The following GALNT18 variants were observed in gnomAD, a reference collection of about 807,000 sequenced individuals.
GALNT18 encodes polypeptide N-acetylgalactosaminyltransferase 18.
In GALNT18, 44 loss-of-function variants were observed where a neutral mutation model predicts 69.5. That is an observed-to-expected ratio of 0.63 (90% CI 0.50 to 0.81). GALNT18 has a LOEUF of 0.81. GALNT18 is among the 40% of genes least tolerant of loss of function. The probability of loss-of-function intolerance (pLI) is 0.00; values close to 1 mark genes in which losing one functional copy is unlikely to be tolerated. For missense variants in GALNT18, 715 were observed against 810.0 expected (o/e 0.88, Z 1.42); for synonymous variants, 364 against 318.2 (o/e 1.14, Z -1.53).
chr11:11,433,671 A>G (rs1855328399), intron 2 of GALNT18, among the ~76,000 whole-genome samples: 1 of 152,208 alleles, frequency 6.6e-6, no homozygotes, highest in Non-Finnish European at 1.5e-5. Context: ...ATCCCATGAG[A>G]GGCCAGACGA....
At chr11:11,355,741 A>T (rs1307654995) in intron 6 of GALNT18, among the ~76,000 whole-genome samples, 1 of 152,174 alleles carries the variant, frequency 6.6e-6, no homozygotes, top group Non-Finnish European at 1.5e-5. Context: ...TAAGCAAGTC[A>T]TCAAGACCCT....
intron 1 of GALNT18, among the ~76,000 whole-genome samples, chr11:11,560,164 G>A (rs796791535): frequency 1.5e-3 from 2 of 1,304 alleles, no homozygotes; most frequent in Non-Finnish European, 3.2e-3. Flanking sequence ...TGGGATGTAT[G>A]GGATGGGATA....
intron 1 of GALNT18, among the ~76,000 whole-genome samples, chr11:11,449,789 C>T (rs937507220): frequency 2.0e-5 from 3 of 152,228 alleles, no homozygotes; most frequent in Admixed American, 1.3e-4. Context: ...AATTCCCCAA[C>T]CTAGAATGCA....
At chr11:11,304,953 T>C (rs921105897) in intron 9 of GALNT18, among the ~76,000 whole-genome samples, 1 of 152,132 alleles carries the variant, frequency 6.6e-6, no homozygotes, top group Admixed American at 6.5e-5. Flanking sequence ...AATAAACACA[T>C]CTTGTTGTAA....
intron 1 of GALNT18, among the ~76,000 whole-genome samples, chr11:11,560,804 ACTGAGATTC>A (rs1043538826): frequency 1.3e-5 from 2 of 152,210 alleles, no homozygotes; most frequent in Non-Finnish European, 2.9e-5. Context: ...GAGCAGAATT[ACTGAGATTC>A]CTGCCAGACC....
At chr11:11,271,847 T>C (rs1015903604) in intron 10 of GALNT18, among the ~76,000 whole-genome samples, 13 of 152,278 alleles carry the variant, frequency 8.5e-5, no homozygotes, top group Middle Eastern at 3.4e-3. Context: ...TTCCAGAATG[T>C]TTGTAGCCAT....
rs1356866486 is a variant in GALNT18, at chr11:11,508,524, A to G, written c.236-59588T>C. Among the ~76,000 whole-genome samples, 12 of 152,364 alleles carry G rather than the reference A, an allele frequency of 7.9e-5. No individual in the cohort carries two copies. In the East Asian group the frequency reaches 2.3e-3, roughly 29 times the overall value. On this transcript the variant is annotated intron_variant, in intron 1 of 10. Coordinates refer to ENST00000227756, the MANE Select transcript of GALNT18 (RefSeq NM_198516.3). ...AAAGTACTTCATTCGTTTGTAATTA[A>G]TAAGTAATGTGTGGGTGTTACTCCA...
intron 1 of GALNT18, among the ~76,000 whole-genome samples, chr11:11,529,694 C>A (rs1377356982): frequency 6.6e-6 from 1 of 151,980 alleles, no homozygotes; most frequent in Non-Finnish European, 1.5e-5. Flanking sequence ...CATGTGTGCA[C>A]GTGCATGTTA....
intron 9 of GALNT18, among the ~76,000 whole-genome samples, chr11:11,321,906 A>G (rs1317929761): frequency 6.6e-6 from 1 of 152,152 alleles, no homozygotes; most frequent in Non-Finnish European, 1.5e-5. Flanking sequence ...CACCTGGCCT[A>G]TGGGTAGGTT....
rs1037970848 is a variant in GALNT18, at chr11:11,563,165, G to A, written c.235+58194C>T. ...AGTGGAGGAGCAGCTGCTTGCAGTG[G>A]GCCCAGCTGCCTGGCGCAGTCCAAA... On this transcript the variant is annotated intron_variant, in intron 1 of 10. Transcript: ENST00000227756. The surrounding 1 kb of genome is among the most constrained non-coding windows in gnomAD (Gnocchi z 4.6). Among the ~76,000 whole-genome samples, 1 of 152,134 alleles carries A rather than the reference G, an allele frequency of 6.6e-6. No individual in the cohort carries two copies. The highest frequency in any genetic ancestry group is 2.4e-5 in the African/African-American group (1 of 41,412).
rs534095726 is a variant in GALNT18 at position 11,538,150 on chromosome 11, G to A, written c.235+83209C>T. 6.6e-6 allele frequency among the ~76,000 whole-genome samples: 1 copy of A among 152,220 alleles called. No individual in the cohort carries two copies. Among genetic ancestry groups the A allele is most frequent in the South Asian group, 2.1e-4 (1 of 4,822 alleles). On this transcript the variant is annotated intron_variant, in intron 1 of 10. Transcript: ENST00000227756. This position sits in a 1 kb window ranked among gnomAD's most constrained non-coding sequence, Gnocchi z 5.2. Reference sequence around the variant, plus strand: ...AGGGTGAAATTCAGGCTGGAAGAGTGGGTGACTAGCTAAGGATTACACAAA... The same window carrying A: ...AGGGTGAAATTCAGGCTGGAAGAGTAGGTGACTAGCTAAGGATTACACAAA...
At position 11,600,357 on chromosome 11, in the gene GALNT18, G is replaced by A. The variant is rs1478711527; in HGVS notation, c.235+21002C>T. ...ATTCTGTTTTTGTTTTTCTGGTAAT[G>A]ACTTTATTTTGTATTCATTTTGTCT... is the stretch of plus-strand genomic sequence containing the variant. On this transcript the variant is annotated intron_variant, in intron 1 of 10. Transcript: ENST00000227756. The surrounding 1 kb of genome is among the most constrained non-coding windows in gnomAD (Gnocchi z 4.8). Among the ~76,000 whole-genome samples, 2 of 151,982 alleles carry A rather than the reference G, an allele frequency of 1.3e-5. No individual in the cohort carries two copies. The highest frequency in any genetic ancestry group is 2.4e-5 in the African/African-American group (1 of 41,410).
intron 3 of GALNT18, among the ~76,000 whole-genome samples, chr11:11,410,087 C>T (rs1026807381): frequency 6.6e-6 from 1 of 152,290 alleles, no homozygotes; most frequent in Non-Finnish European, 1.5e-5. Flanking sequence ...GGCCCTCCCA[C>T]AGGGGAGGAT....
intron 10 of GALNT18, among the ~76,000 whole-genome samples, chr11:11,285,046 C>T (rs1849167252): frequency 6.6e-6 from 1 of 150,940 alleles, no homozygotes; most frequent in African/African-American, 2.4e-5. Flanking sequence ...ACATCAAGTG[C>T]AAAGCACAGG....
At chr11:11,556,926 T>C (rs80053976) in intron 1 of GALNT18, among the ~76,000 whole-genome samples, 1,597 of 152,300 alleles carry the variant, frequency 0.01, 36 homozygotes, top group East Asian at 0.077. Flanking sequence ...CAAATAAATG[T>C]TGAAAATGTT....
intron 1 of GALNT18, chr11:11,475,142 A>G (rs577983289): frequency 2.0e-5 from 3 of 148,712 alleles, no homozygotes; most frequent in African/African-American, 7.6e-5. Flanking sequence ...CTCCCATTTC[A>G]ATTTTATCAC....
At chr11:11,380,931 A>T (rs1564920417) in intron 3 of GALNT18, among the ~76,000 whole-genome samples, 1 of 152,102 alleles carries the variant, frequency 6.6e-6, no homozygotes, top group East Asian at 1.9e-4. Flanking sequence ...AAACAGTGTG[A>T]CCCCTGTCCT....
rs1854479470 is a variant in GALNT18, at chr11:11,402,024, C to T, written c.596-22760G>A. On this transcript the variant is annotated intron_variant, in intron 3 of 10. Coordinates refer to ENST00000227756, the MANE Select transcript of GALNT18 (RefSeq NM_198516.3). This position sits in a 1 kb window ranked among gnomAD's most constrained non-coding sequence, Gnocchi z 4.0. ...CAAGTGGACAAAGGTGAGACAAATC[C>T]TTCTAGTTAGAGGAATAGTATGTAC... Among the ~76,000 whole-genome samples, 1 of 152,198 alleles carries T rather than the reference C, an allele frequency of 6.6e-6. No homozygotes were observed. Among genetic ancestry groups the T allele is most frequent in the African/African-American group, 2.4e-5 (1 of 41,446 alleles).
rs776277640 is a variant in GALNT18 at position 11,596,685 on chromosome 11, TG to T, written c.235+24673del. On this transcript the variant is annotated intron_variant, in intron 1 of 10. Coordinates refer to ENST00000227756, the MANE Select transcript of GALNT18 (RefSeq NM_198516.3). The surrounding 1 kb of genome is among the most constrained non-coding windows in gnomAD (Gnocchi z 4.2). ...CACTGATAGTGATAGAAATACAATT[TG>T]TTTTTTTATATTGATCTTATATCCT... Among the ~76,000 whole-genome samples, 66 of 152,322 alleles carry T rather than the reference TG, an allele frequency of 4.3e-4. 2 individuals carry two copies. The highest frequency in any genetic ancestry group is 1.0e-3 in the South Asian group (5 of 4,828).
Sources: allele counts gnomAD v4.1 joint callset (sites outside exome capture counted in the v4.1 genomes callset), GRCh38; gene constraint gnomAD v4.1.1; non-coding constraint Gnocchi (gnomAD v3.1); transcripts MANE v1.5; gene names NCBI Gene and HGNC (gene_info 2026-07-23, HGNC 2026-07-21).